The following ADPRM variants were observed in gnomAD, a reference collection of about 807,000 sequenced individuals.
ADPRM encodes the protein manganese-dependent ADP-ribose/CDP-alcohol diphosphatase.
A neutral mutation model predicts 27.2 loss-of-function variants in ADPRM; 17 were observed. The ratio of observed to expected loss-of-function variants is 0.63; its 90% CI spans 0.43 to 0.94. The LOEUF (loss-of-function observed/expected upper bound fraction) is 0.94, where lower values mean the gene tolerates loss of function less well. Ranked by LOEUF, ADPRM falls within the 40% of genes least tolerant of loss-of-function variation. ADPRM has a pLI of 0.00. For missense variants in ADPRM, 337 were observed against 412.8 expected (o/e 0.82, Z 1.59); for synonymous variants, 135 against 145.3 (o/e 0.93, Z 0.51).
intron 1 of ADPRM, 63 bp from the exon 2 acceptor site, chr17:10,704,847 C>A (rs898973817): frequency 1.5e-6 from 2 of 1,331,650 alleles, no homozygotes; most frequent in African/African-American, 2.9e-5. Context: ...TTATCATTTT[C>A]TTAAGTGAAA....
chr17:10,710,799 A>G, intron 3 of ADPRM, 35 bp from the exon 4 acceptor site: 1 of 1,571,084 alleles, frequency 6.4e-7, no homozygotes, highest in Non-Finnish European at 8.7e-7. Flanking sequence ...ATATTTCTTA[A>G]TTGGCTCATA....
intron 1 of ADPRM, among the ~76,000 whole-genome samples, chr17:10,704,130 G>A (rs2074796986): frequency 6.6e-6 from 1 of 152,048 alleles, no homozygotes; most frequent in African/African-American, 2.4e-5. Context: ...GATTGCTTGA[G>A]CCCAGGAGTC....
Position 10,704,737 on chromosome 17 carries a change from T to C in ADPRM, c.-17-173T>C, listed in dbSNP as rs140238780. On this transcript the variant is annotated intron_variant, in intron 1 of 3. Transcript: ENST00000379774. ...TTTTACAGAAGAGAAAGCAAGTGTT[T>C]TAGAGGGTTAGTAGTTTAGACCTAA... 1.2e-4 allele frequency among the ~76,000 whole-genome samples: 19 copies of C among 152,292 alleles called. No homozygotes were observed. In the East Asian group the frequency reaches 3.7e-3, roughly 29 times the overall value.
At chr17:10,706,132 G>T (rs1750935374) in intron 2 of ADPRM, among the ~76,000 whole-genome samples, 3 of 152,168 alleles carry the variant, frequency 2.0e-5, no homozygotes, top group Admixed American at 2.0e-4. Flanking sequence ...AAGGGCCAGT[G>T]GGGTACAAGG....
At chr17:10,704,507 A>C (rs969471702) in intron 1 of ADPRM, among the ~76,000 whole-genome samples, 4 of 150,316 alleles carry the variant, frequency 2.7e-5, no homozygotes, top group African/African-American at 7.5e-5. Context: ...AAAAAAAAAA[A>C]CTTGAAGTTT....
intron 1 of ADPRM, 56 bp downstream of exon 1, chr17:10,697,723 G>C (rs1397578197): frequency 4.6e-6 from 3 of 655,556 alleles, no homozygotes; most frequent in Admixed American, 5.2e-5. Flanking sequence ...CGGTGCTGCG[G>C]GGCCGCGGGA....
intron 1 of ADPRM, among the ~76,000 whole-genome samples, chr17:10,703,359 G>A (rs1335545854): frequency 6.6e-6 from 1 of 151,920 alleles, no homozygotes; most frequent in African/African-American, 2.4e-5. Context: ...AGGAAGAAAT[G>A]GGCAAATTAA....
chr17:10,709,479 AG>A (rs1422061168), intron 3 of ADPRM, among the ~76,000 whole-genome samples: 1 of 152,152 alleles, frequency 6.6e-6, no homozygotes, highest in African/African-American at 2.4e-5. Flanking sequence ...TGGGGAAATG[AG>A]GGGGAACCAG....
At chr17:10,710,614 C>T (rs907890620) in intron 3 of ADPRM, among the ~76,000 whole-genome samples, 12 of 152,156 alleles carry the variant, frequency 7.9e-5, no homozygotes, top group African/African-American at 1.9e-4. Flanking sequence ...AGCAGCCTGT[C>T]GCGCCTCATG....
At position 10,705,833 on chromosome 17, in the gene ADPRM, AAGAC is replaced by A; in HGVS notation, c.601+310_601+313del. On this transcript the variant is annotated intron_variant, in intron 2 of 3. Transcript: ENST00000379774. This position sits in a 1 kb window ranked among gnomAD's most constrained non-coding sequence, Gnocchi z 5.4. ...GAGGGAACAAACACAGTACGTGGGC[AAGAC>A]AGATGATAAATGAAACAGAAACAAG... 2.8e-6 allele frequency: 1 copy of A among 353,674 alleles called. No homozygotes were observed. Among genetic ancestry groups the A allele is most frequent in the Non-Finnish European group, 5.2e-6 (1 of 191,808 alleles). The allele number at this position is 353,674 out of a possible 1,614,324, so 21.9% of individuals were successfully genotyped here. A position where few individuals can be genotyped will look rare whatever the true frequency, so the allele number is the denominator to read the frequency against.
intron 1 of ADPRM, among the ~76,000 whole-genome samples, chr17:10,700,593 G>GA (rs61527217): frequency 0.051 from 5,668 of 110,282 alleles, 329 homozygotes; most frequent in African/African-American, 0.16. Flanking sequence ...CTCTACAAAA[G>GA]AAAAAAAAAA....
intron 1 of ADPRM, among the ~76,000 whole-genome samples, chr17:10,701,004 G>T (rs1000997377): frequency 2.0e-5 from 3 of 152,118 alleles, no homozygotes; most frequent in Admixed American, 6.5e-5. Flanking sequence ...ATGGTTTAGA[G>T]ATTTACAGAG....
chr17:10,706,453 A>C lies in ADPRM; in HGVS notation c.617A>C (p.Gln206Pro), dbSNP rs202034757. 3.8e-6 allele frequency: 6 copies of C among 1,599,322 alleles called. No individual in the cohort carries two copies. Among genetic ancestry groups the C allele is most frequent in the South Asian group, 2.3e-5 (2 of 87,458 alleles). The stretch of plus-strand genomic sequence containing the variant: ...TTCATTTCAGGACTTTCTGAGCCCC[A>C]GTTTGTCCAGTTTAATGGAGGATTC... ...LNSPQGLSEP[Q>P]FVQFNGGFSQ... The change falls in exon 3 of 4, where the codon CAG becomes CCG. Residue 206 changes from glutamine (Q) to proline (P), a missense_variant. Gln to Pro is a moderately conservative substitution (Grantham distance 76, BLOSUM62 -1). Transcript: ENST00000379774.
At position 10,710,986 on chromosome 17, in the gene ADPRM, G is replaced by A. The variant is rs2074849589; in HGVS notation, c.871G>A (p.Val291Ile). 6.2e-7 allele frequency: 1 copy of A among 1,614,126 alleles called. No individual in the cohort carries two copies. The highest frequency in any genetic ancestry group is 1.3e-5 in the African/African-American group (1 of 75,024). Residue 291 changes from valine to isoleucine, a missense_variant, in exon 4 of 4, where the codon GTA becomes ATA. By Grantham distance (29) the Val-to-Ile change is conservative (BLOSUM62 3). Coordinates refer to ENST00000379774, the MANE Select transcript of ADPRM (RefSeq NM_020233.5). ...TGGCTACTCTGAGGATCCTTTTGGT[G>A]TATACCACGTCAACCTAGAAGGAGT... is the stretch of plus-strand genomic sequence containing the variant. ...DGGYSEDPFG[V>I]YHVNLEGVIE...
In ADPRM at chr17:10,697,640, G is replaced by C. The variant is rs999772406; in HGVS notation, c.-45G>C. 8.6e-7 allele frequency: 1 copy of C among 1,160,284 alleles called. No homozygotes were observed. The highest frequency in any genetic ancestry group is 1.3e-5 in the South Asian group (1 of 76,456). The allele number at this position is 1,160,284 out of a possible 1,614,324, so 71.9% of individuals were successfully genotyped here. A position where few individuals can be genotyped will look rare whatever the true frequency, so the allele number is the denominator to read the frequency against. ...CGCTGTTACATAGCCCGTAGTCAGAGGCCTTTCAGCCCAGGGGCCGGCGCA... is the reference window on the plus strand; with the variant it reads ...CGCTGTTACATAGCCCGTAGTCAGACGCCTTTCAGCCCAGGGGCCGGCGCA... On this transcript the variant is annotated 5_prime_UTR_variant, in exon 1 of 4. Transcript: ENST00000379774.
Position 10,711,496 on chromosome 17 carries a change from C to A in ADPRM, c.*352C>A, listed in dbSNP as rs957551937. Among the ~76,000 whole-genome samples, 6 of 152,188 alleles carry A rather than the reference C, an allele frequency of 3.9e-5. No individual in the cohort carries two copies. The highest frequency in any genetic ancestry group is 1.4e-4 in the African/African-American group (6 of 41,430). On this transcript the variant is annotated 3_prime_UTR_variant, in exon 4 of 4. Transcript: ENST00000379774. Reference sequence around the variant, plus strand: ...TGTAACTTCAAGTTCAGCATATAAGCTCAGGTAAGCTTTTTCTATTCACCC... The same window carrying A: ...TGTAACTTCAAGTTCAGCATATAAGATCAGGTAAGCTTTTTCTATTCACCC...
At chr17:10,700,587 A>G (rs532525759) in intron 1 of ADPRM, among the ~76,000 whole-genome samples, 1 of 149,802 alleles carries the variant, frequency 6.7e-6, no homozygotes, top group Non-Finnish European at 1.5e-5. Flanking sequence ...CCCTATCTCT[A>G]CAAAAGAAAA....
intron 1 of ADPRM, among the ~76,000 whole-genome samples, chr17:10,701,391 C>T (rs547046143): frequency 2.8e-3 from 423 of 151,700 alleles, no homozygotes; most frequent in Admixed American, 7.0e-3. Flanking sequence ...AGTGCAGTGG[C>T]GCGATCTCGG....
At position 10,704,536 on chromosome 17, in the gene ADPRM, T is replaced by A. The variant is rs189500361; in HGVS notation, c.-17-374T>A. On this transcript the variant is annotated intron_variant, in intron 1 of 3. Transcript: ENST00000379774. ...GAAGTTTTGATAGAATTATTTGGTG[T>A]TTGTGGGACAGGGGTATATGTGTGT... is the stretch of plus-strand genomic sequence containing the variant. Among the ~76,000 whole-genome samples, 9 of 151,970 alleles carry A rather than the reference T, an allele frequency of 5.9e-5. 1 individual carries two copies. The East Asian group carries it at 1.7e-3, about 29-fold the overall frequency.
Sources: allele counts gnomAD v4.1 joint callset (sites outside exome capture counted in the v4.1 genomes callset), GRCh38; gene constraint gnomAD v4.1.1; non-coding constraint Gnocchi (gnomAD v3.1); transcripts MANE v1.5; gene names NCBI Gene and HGNC (gene_info 2026-07-23, HGNC 2026-07-21).